LRP1B: variants seen among roughly 807,000 people sequenced by gnomAD.
The protein encoded by LRP1B is low-density lipoprotein receptor-related protein 1B.
LRP1B carries 217 observed loss-of-function variants against 556.6 expected under a neutral mutation model. That is an observed-to-expected ratio of 0.39 (90% CI 0.35 to 0.44). The LOEUF (loss-of-function observed/expected upper bound fraction) is 0.44, where lower values mean the gene tolerates loss of function less well. Ranked by LOEUF, LRP1B falls within the 20% of genes least tolerant of loss-of-function variation. The pLI is 1.00. For synonymous variants in LRP1B, 2,047 were observed against 1,865.8 expected, an observed-to-expected ratio of 1.10 and a Z score of -2.50; for missense variants, 5,053 against 5,620.8, an observed-to-expected ratio of 0.90 and a Z score of 3.23.
At chr2:141,918,572 T>G (rs888858823) in intron 1 of LRP1B, among the ~76,000 whole-genome samples, 1 of 152,108 alleles carries the variant, frequency 6.6e-6, no homozygotes, top group Admixed American at 6.5e-5. Context: ...TTTGTGGAAT[T>G]TAATAACATC....
intron 2 of LRP1B, among the ~76,000 whole-genome samples, chr2:141,601,006 C>A (rs560045467): frequency 6.6e-6 from 1 of 152,184 alleles, no homozygotes; most frequent in South Asian, 2.1e-4. Context: ...ACACCTATAT[C>A]TATACCGGCA....
At chr2:140,606,063 T>C (rs1470163698) in intron 41 of LRP1B, among the ~76,000 whole-genome samples, 2 of 151,698 alleles carry the variant, frequency 1.3e-5, no homozygotes, top group African/African-American at 2.4e-5. Context: ...AGGAAATAAA[T>C]GGTATCCAGA....
At chr2:141,998,744 G>A (rs533069102) in intron 1 of LRP1B, among the ~76,000 whole-genome samples, 14 of 152,290 alleles carry the variant, frequency 9.2e-5, no homozygotes, top group Middle Eastern at 3.4e-3. Flanking sequence ...CCTGAAGGTC[G>A]TAGGAGAGGA....
chr2:141,585,770 ATAACT>A (rs1687115374), intron 2 of LRP1B, among the ~76,000 whole-genome samples: 1 of 152,294 alleles, frequency 6.6e-6, no homozygotes, highest in Admixed American at 6.5e-5. Flanking sequence ...TTTAGAACAA[ATAACT>A]TAAATAAATT....
chr2:141,488,495 G>A (rs1042906071), intron 2 of LRP1B, among the ~76,000 whole-genome samples: 2 of 152,124 alleles, frequency 1.3e-5, no homozygotes, highest in Non-Finnish European at 2.9e-5. Context: ...TACTTCTACT[G>A]AAGTAATTGA....
chr2:140,837,498 T>C (rs1167601267), intron 31 of LRP1B, among the ~76,000 whole-genome samples: 3 of 152,270 alleles, frequency 2.0e-5, no homozygotes, highest in East Asian at 1.9e-4. Flanking sequence ...ATTAAAACTT[T>C]TAAAAAGTGT....
At chr2:140,576,334 A>C (rs111320982) in intron 43 of LRP1B, among the ~76,000 whole-genome samples, 1,584 of 152,330 alleles carry the variant, frequency 0.01, 18 homozygotes, top group African/African-American at 0.024. Flanking sequence ...CCTTTGGGAA[A>C]GCTTTTACTT....
At chr2:141,493,887 C>G (rs937695139) in intron 2 of LRP1B, among the ~76,000 whole-genome samples, 1 of 152,164 alleles carries the variant, frequency 6.6e-6, no homozygotes, top group Admixed American at 6.5e-5. Context: ...TCACTTGACC[C>G]TAGGTTGTCC....
At chr2:141,585,422 CGT>C (rs3041302) in intron 2 of LRP1B, among the ~76,000 whole-genome samples, 31,978 of 128,896 alleles carry the variant, frequency 0.25, 3,716 homozygotes, top group African/African-American at 0.3. Context: ...CTGAAATAAT[CGT>C]GTGTGTGTGT....
intron 35 of LRP1B, among the ~76,000 whole-genome samples, chr2:140,767,860 T>C (rs1414838435): frequency 6.6e-6 from 1 of 151,858 alleles, no homozygotes; most frequent in Non-Finnish European, 1.5e-5. Flanking sequence ...TACATGCATG[T>C]ACTGTATACA....
chr2:140,495,827 G>C (rs1439241641), intron 55 of LRP1B, 79 bp from the exon 56 acceptor site: 14 of 1,170,510 alleles, frequency 1.2e-5, no homozygotes, highest in Non-Finnish European at 1.7e-5. Flanking sequence ...TTAGCATTAA[G>C]CAAGAAAAGC....
At chr2:140,511,590 C>T (rs1447973991) in intron 51 of LRP1B, among the ~76,000 whole-genome samples, 2 of 152,084 alleles carry the variant, frequency 1.3e-5, no homozygotes, top group Non-Finnish European at 2.9e-5. Flanking sequence ...CGTGAGCCAC[C>T]GCGCCCAGCC....
intron 1 of LRP1B, among the ~76,000 whole-genome samples, chr2:141,887,778 T>G (rs1699171596): frequency 6.6e-6 from 1 of 152,236 alleles, no homozygotes; most frequent in African/African-American, 2.4e-5. Flanking sequence ...CAAAGTCATC[T>G]TCACAATTAG....
chr2:140,703,638 T>C (rs1686725737), intron 37 of LRP1B, among the ~76,000 whole-genome samples: 1 of 152,136 alleles, frequency 6.6e-6, no homozygotes, highest in South Asian at 2.1e-4. Flanking sequence ...ATATGGCACC[T>C]AAATAGTCAA....
At chr2:141,589,216 A>C (rs571877543) in intron 2 of LRP1B, among the ~76,000 whole-genome samples, 1 of 152,142 alleles carries the variant, frequency 6.6e-6, no homozygotes, top group East Asian at 1.9e-4. Flanking sequence ...CTTTAAAAAA[A>C]GAGATGAGCG....
At chr2:140,356,720 G>A (rs1417875198) in intron 74 of LRP1B, among the ~76,000 whole-genome samples, 1 of 151,734 alleles carries the variant, frequency 6.6e-6, no homozygotes, top group African/African-American at 2.4e-5. Flanking sequence ...ATTTAGAGCT[G>A]CTGTTAAGCT....
intron 1 of LRP1B, among the ~76,000 whole-genome samples, chr2:141,953,815 C>A (rs1701175700): frequency 6.6e-6 from 1 of 152,074 alleles, no homozygotes; most frequent in South Asian, 2.1e-4. Context: ...ATGCAAGATG[C>A]AATTATTGGT....
intron 1 of LRP1B, among the ~76,000 whole-genome samples, chr2:142,111,309 C>T (rs1453735424): frequency 6.6e-6 from 1 of 152,018 alleles, no homozygotes; most frequent in Admixed American, 6.6e-5. Flanking sequence ...CAGTGTTATA[C>T]AGCTAACAAG....
chr2:141,465,438 C>T (rs1218913135), intron 3 of LRP1B, among the ~76,000 whole-genome samples: 8 of 152,140 alleles, frequency 5.3e-5, no homozygotes, highest in African/African-American at 1.9e-4. Flanking sequence ...CTCCATTAAT[C>T]TGGCTTTCCT....
Sources: gnomAD v4.1 joint callset for allele counts (sites outside exome capture counted in the v4.1 genomes callset) on GRCh38, gnomAD v4.1.1 for gene constraint, MANE v1.5 for transcripts, NCBI Gene and HGNC (gene_info 2026-07-23, HGNC 2026-07-21) for gene names.